The following KCNMB2 variants were observed in gnomAD, a reference collection of about 807,000 sequenced individuals.
KCNMB2 encodes potassium calcium-activated channel subfamily M regulatory beta subunit 2.
In KCNMB2, 9 loss-of-function variants were observed where a neutral mutation model predicts 24.5. That is an observed-to-expected ratio of 0.37 (90% CI 0.22 to 0.64). The LOEUF is 0.64. Ranked by LOEUF, KCNMB2 falls within the 30% of genes least tolerant of loss-of-function variation. KCNMB2 has a pLI of 0.63. For synonymous variants in KCNMB2, 109 were observed against 104.4 expected, an observed-to-expected ratio of 1.04 and a Z score of -0.27; for missense variants, 226 against 284.3, an observed-to-expected ratio of 0.79 and a Z score of 1.47.
intron 1 of KCNMB2, among the ~76,000 whole-genome samples, chr3:178,730,352 T>C (rs936408337): frequency 6.6e-6 from 1 of 151,650 alleles, no homozygotes; most frequent in Admixed American, 6.6e-5. Flanking sequence ...CATGTTTTAA[T>C]TTTTCAAATT....
At chr3:178,553,274 A>G (rs1716017415) in intron 1 of KCNMB2, among the ~76,000 whole-genome samples, 2 of 152,234 alleles carry the variant, frequency 1.3e-5, no homozygotes, top group South Asian at 4.1e-4. Context: ...GCACCATGCT[A>G]GAAAAGAACC....
chr3:178,570,072 C>G (rs922415359), intron 1 of KCNMB2, among the ~76,000 whole-genome samples: 1 of 151,610 alleles, frequency 6.6e-6, no homozygotes, highest in African/African-American at 2.4e-5. Context: ...GTAATGACAT[C>G]TAATCTGGTA....
rs80122189 is a variant in KCNMB2 at position 178,741,213 on chromosome 3, A to G, written c.-67-66130A>G. On this transcript the variant is annotated intron_variant, in intron 1 of 4. Transcript: ENST00000452583. Reference sequence around the variant, plus strand: ...AACATCACTTTTACCATGCATTGGAATGTGAATTTTAGTAGATATTTAACC... The same window carrying G: ...AACATCACTTTTACCATGCATTGGAGTGTGAATTTTAGTAGATATTTAACC... Among the ~76,000 whole-genome samples the G allele has an allele frequency of 6.5e-3, 988 of 152,312 alleles. 16 individuals carry two copies. The highest frequency in any genetic ancestry group is 0.022 in the African/African-American group (935 of 41,562).
At chr3:178,583,725 G>A (rs1014099) in intron 1 of KCNMB2, among the ~76,000 whole-genome samples, 2 of 151,852 alleles carry the variant, frequency 1.3e-5, no homozygotes, top group East Asian at 1.9e-4. Context: ...AATACCTTAC[G>A]CTCTTCACAG....
intron 1 of KCNMB2, among the ~76,000 whole-genome samples, chr3:178,567,202 T>C (rs16829771): frequency 0.35 from 53,431 of 152,046 alleles, 10,603 homozygotes; most frequent in East Asian, 0.6. Flanking sequence ...AATGTACATG[T>C]AGATGAGAGT....
At chr3:178,635,408 T>TACACAC (rs58294929) in intron 1 of KCNMB2, among the ~76,000 whole-genome samples, 1,489 of 144,928 alleles carry the variant, frequency 0.01, 10 homozygotes, top group East Asian at 0.024. Context: ...TGCTTATGCA[T>TACACAC]ACACACACAC....
intron 1 of KCNMB2, among the ~76,000 whole-genome samples, chr3:178,701,455 C>A (rs1050804703): frequency 2.0e-5 from 3 of 152,058 alleles, no homozygotes; most frequent in African/African-American, 7.2e-5. Context: ...TTTTTGGTTT[C>A]ATATGAACTT....
chr3:178,580,408 T>TA (rs1354113871), intron 1 of KCNMB2, among the ~76,000 whole-genome samples: 2 of 152,152 alleles, frequency 1.3e-5, no homozygotes, highest in Non-Finnish European at 2.9e-5. Flanking sequence ...CCACAGCCAA[T>TA]ATCATACTGA....
intron 1 of KCNMB2, among the ~76,000 whole-genome samples, chr3:178,654,962 G>C (rs1406335678): frequency 2.0e-5 from 3 of 152,032 alleles, no homozygotes; most frequent in Admixed American, 2.0e-4. Context: ...CTACCTCAGA[G>C]AGCAGTCATG....
intron 1 of KCNMB2, among the ~76,000 whole-genome samples, chr3:178,765,615 T>C (rs1712082158): frequency 1.1e-5 from 1 of 87,698 alleles, no homozygotes; most frequent in African/African-American, 7.0e-5. Context: ...CTGCTAGAAT[T>C]TGTGTGTGTG....
intron 1 of KCNMB2, among the ~76,000 whole-genome samples, chr3:178,671,754 T>G (rs1407976779): frequency 6.6e-6 from 1 of 152,226 alleles, no homozygotes; most frequent in Non-Finnish European, 1.5e-5. Flanking sequence ...GTTCCTTAAG[T>G]GCACTTTTCT....
At chr3:178,638,019 G>T (rs568252433) in intron 1 of KCNMB2, among the ~76,000 whole-genome samples, 223 of 152,112 alleles carry the variant, frequency 1.5e-3, no homozygotes, top group Non-Finnish European at 2.5e-3. Context: ...TCTAAACAGG[G>T]CTCAATCCTG....
chr3:178,674,995 C>A (rs550795707), intron 1 of KCNMB2, among the ~76,000 whole-genome samples: 2 of 152,344 alleles, frequency 1.3e-5, no homozygotes, highest in East Asian at 3.9e-4. Context: ...AGCTCCTGCA[C>A]TTCCTATTAT....
At chr3:178,633,265 G>A (rs1719387440) in intron 1 of KCNMB2, among the ~76,000 whole-genome samples, 1 of 152,162 alleles carries the variant, frequency 6.6e-6, no homozygotes, top group Non-Finnish European at 1.5e-5. Flanking sequence ...GCCTCAATGG[G>A]GACTCTGTGT....
At chr3:178,675,795 T>G (rs1033547003) in intron 1 of KCNMB2, among the ~76,000 whole-genome samples, 2 of 152,144 alleles carry the variant, frequency 1.3e-5, no homozygotes, top group African/African-American at 4.8e-5. Context: ...CTAGAGCCGG[T>G]GGCTAGAGGA....
At chr3:178,718,464 C>T (rs931468894) in intron 1 of KCNMB2, among the ~76,000 whole-genome samples, 4 of 152,308 alleles carry the variant, frequency 2.6e-5, no homozygotes, top group Non-Finnish European at 4.4e-5. Context: ...GTAGGCCTGC[C>T]TATAAGATCA....
chr3:178,787,490 C>G (rs780965913), intron 1 of KCNMB2, among the ~76,000 whole-genome samples: 2 of 152,074 alleles, frequency 1.3e-5, no homozygotes, highest in East Asian at 1.9e-4. Flanking sequence ...GTTATTATCA[C>G]GCTAATTTTA....
intron 1 of KCNMB2, among the ~76,000 whole-genome samples, chr3:178,797,629 T>G (rs745559879): frequency 6.6e-6 from 1 of 152,212 alleles, no homozygotes; most frequent in Non-Finnish European, 1.5e-5. Context: ...AAAAACCATA[T>G]GATCATTTCG....
chr3:178,706,519 C>G (rs192428296), intron 1 of KCNMB2, among the ~76,000 whole-genome samples: 2 of 152,190 alleles, frequency 1.3e-5, no homozygotes, highest in African/African-American at 4.8e-5. Flanking sequence ...CAATATCTGG[C>G]CTTGTACCCC....
Sources: gnomAD v4.1 joint callset for allele counts (sites outside exome capture counted in the v4.1 genomes callset) on GRCh38, gnomAD v4.1.1 for gene constraint, MANE v1.5 for transcripts, NCBI Gene and HGNC (gene_info 2026-07-23, HGNC 2026-07-21) for gene names.